The following ARHGAP35 variants were observed in gnomAD, a reference collection of about 807,000 sequenced individuals.
ARHGAP35 encodes the protein Rho GTPase activating protein 35.
ARHGAP35 carries 15 observed loss-of-function variants against 111.1 expected under a neutral mutation model. The observed-to-expected ratio is 0.13, with a 90% CI of 0.09 to 0.21. The LOEUF is 0.21. ARHGAP35 is among the 10% of genes least tolerant of loss of function. The pLI is 1.00. For missense variants in ARHGAP35, 1,262 were observed against 1,873.0 expected (o/e 0.67, Z 6.02); for synonymous variants, 643 against 710.3 (o/e 0.91, Z 1.51).
chr19:46,918,930 T>C lies in ARHGAP35; in HGVS notation c.255T>C (p.Asp85=), dbSNP rs1251713306. The part of the protein sequence containing the change: ...YWGEVSRSLE[D]CVECKMHIVE... ...GAGAAGTTAGCCGCTCCCTGGAGGA[T>C]TGTGTGGAATGTAAGATGCACATTG... Residue 85 remains aspartate, a synonymous_variant, in exon 2 of 7, where the codon GAT becomes GAC. Transcript: ENST00000672722. The surrounding 1 kb of genome is among the most constrained non-coding windows in gnomAD (Gnocchi z 5.4). 6.2e-7 allele frequency: 1 copy of C among 1,613,900 alleles called. No homozygotes were observed. The highest frequency in any genetic ancestry group is 8.5e-7 in the Non-Finnish European group (1 of 1,179,872).
At chr19:46,873,792 A>G (rs1013562544) in intron 1 of ARHGAP35, among the ~76,000 whole-genome samples, 3 of 150,818 alleles carry the variant, frequency 2.0e-5, no homozygotes, top group Middle Eastern at 3.2e-3. Context: ...CTTGTTGCCC[A>G]GGCTGGCGTG....
At chr19:46,929,241 C>T (rs889424109) in intron 2 of ARHGAP35, among the ~76,000 whole-genome samples, 2 of 152,058 alleles carry the variant, frequency 1.3e-5, no homozygotes, top group Non-Finnish European at 2.9e-5. Flanking sequence ...GGGGGAGCAC[C>T]GGTTAACCAA....
At chr19:46,883,846 G>A (rs2055978712) in intron 1 of ARHGAP35, among the ~76,000 whole-genome samples, 1 of 152,130 alleles carries the variant, frequency 6.6e-6, no homozygotes, top group African/African-American at 2.4e-5. Flanking sequence ...CCTGAGCTCA[G>A]GAGTTTGAGA....
At chr19:46,895,795 G>A (rs2056051874) in intron 1 of ARHGAP35, among the ~76,000 whole-genome samples, 1 of 152,048 alleles carries the variant, frequency 6.6e-6, no homozygotes. Context: ...TACCCTTCCC[G>A]GGTGGATTTA....
chr19:46,922,360 A>G lies in ARHGAP35; in HGVS notation c.3681+4A>G. On this transcript the variant is annotated splice_donor_region_variant and intron_variant, in intron 2 of 6. Coordinates refer to ENST00000672722, the MANE Select transcript of ARHGAP35 (RefSeq NM_004491.5). This position sits in a 1 kb window ranked among gnomAD's most constrained non-coding sequence, Gnocchi z 4.0. ...CAGCCTAAGGAGGAACACTAAGGTA[A>G]GACACCAGTCTAGGATTAGTCATAG... 1 of 1,582,922 alleles carries G rather than the reference A, an allele frequency of 6.3e-7. No individual in the cohort carries two copies. Among genetic ancestry groups the G allele is most frequent in the Non-Finnish European group, 8.6e-7 (1 of 1,164,952 alleles).
intron 3 of ARHGAP35, among the ~76,000 whole-genome samples, chr19:46,949,635 T>G (rs180741015): frequency 6.6e-6 from 1 of 152,276 alleles, no homozygotes; most frequent in East Asian, 1.9e-4. Flanking sequence ...AAACTTGGAG[T>G]CACAGCTGAC....
At chr19:46,952,029 A>G (rs939753863) in intron 3 of ARHGAP35, among the ~76,000 whole-genome samples, 8 of 152,228 alleles carry the variant, frequency 5.3e-5, no homozygotes, top group Admixed American at 6.5e-5. Flanking sequence ...GACTATAGTT[A>G]ACAGTAATTT....
intron 3 of ARHGAP35, among the ~76,000 whole-genome samples, chr19:46,979,107 GGTGT>G (rs996779008): frequency 6.6e-6 from 1 of 151,174 alleles, no homozygotes; most frequent in Non-Finnish European, 1.5e-5. Flanking sequence ...TTTGTAGGGG[GGTGT>G]GTATGTGGTG....
intron 3 of ARHGAP35, among the ~76,000 whole-genome samples, chr19:46,962,103 G>T (rs2056486763): frequency 6.6e-6 from 1 of 152,134 alleles, no homozygotes. Flanking sequence ...CTTGATCTGT[G>T]GGTGCTGTTT....
intron 1 of ARHGAP35, among the ~76,000 whole-genome samples, chr19:46,898,754 A>G (rs1346091874): frequency 1.3e-5 from 2 of 152,136 alleles, no homozygotes; most frequent in Non-Finnish European, 2.9e-5. Context: ...GCTAGAACCC[A>G]GGAGCCTCCA....
At position 46,920,976 on chromosome 19, in the gene ARHGAP35, G is replaced by C. The variant is rs758036557; in HGVS notation, c.2301G>C (p.Leu767=). ...TGGACTCTAAGCGTAACTTAAACCT[G>C]GTCAGTTCTACTGCTAGCATCAAAG... ...GLLDSKRNLN[L]VSSTASIKDL... is the part of the protein sequence containing the mutation. The change falls in exon 2 of 7, where the codon CTG becomes CTC. Residue 767 remains leucine (L), a synonymous_variant. Transcript: ENST00000672722. This position sits in a 1 kb window ranked among gnomAD's most constrained non-coding sequence, Gnocchi z 7.0. The C allele has an allele frequency of 1.9e-6, 3 of 1,613,822 alleles. No homozygotes were observed. The highest frequency in any genetic ancestry group is 2.7e-5 in the African/African-American group (2 of 74,888).
At chr19:46,973,418 A>C (rs545513153) in intron 3 of ARHGAP35, among the ~76,000 whole-genome samples, 1 of 152,102 alleles carries the variant, frequency 6.6e-6, no homozygotes, top group Admixed American at 6.5e-5. Context: ...GCAGTGGCTC[A>C]CGCCTGTAAT....
chr19:46,936,908 C>T (rs908016911), intron 2 of ARHGAP35, among the ~76,000 whole-genome samples: 6 of 145,780 alleles, frequency 4.1e-5, no homozygotes, highest in Non-Finnish European at 7.5e-5. Flanking sequence ...GGCGCAATCT[C>T]GGCTCACCTC....
At position 46,921,458 on chromosome 19, in the gene ARHGAP35, A is replaced by T. The variant is rs1039328604; in HGVS notation, c.2783A>T (p.Gln928Leu). 1 of 1,613,964 alleles carries T rather than the reference A, an allele frequency of 6.2e-7. No individual in the cohort carries two copies. Among genetic ancestry groups the T allele is most frequent in the Non-Finnish European group, 8.5e-7 (1 of 1,179,864 alleles). Residue 928 changes from glutamine (Q) to leucine (L), a missense_variant, in exon 2 of 7, where the codon CAG (glutamine) becomes CTG (leucine). Around this residue, in one of 8 missense-constraint regions of ARHGAP35, gnomAD observed 579 missense variants for 716.9 expected, o/e 0.81. Transcript: ENST00000672722. The surrounding 1 kb of genome is among the most constrained non-coding windows in gnomAD (Gnocchi z 4.3). ...RFTSIPCSQP[Q>L]HKLEIFHPFF... ...ACAAGCATCCCCTGTAGCCAACCCC[A>T]GCATAAACTTGAGATCTTTCACCCA...
rs762697644 is a variant in ARHGAP35 at position 46,920,401 on chromosome 19, T to C, written c.1726T>C (p.Ser576Pro). The C allele has an allele frequency of 6.2e-7, 1 of 1,613,942 alleles. No individual in the cohort carries two copies. The highest frequency in any genetic ancestry group is 1.1e-5 in the South Asian group (1 of 91,060). ...CGCTAAGATTGAGCACTTGATTAGT[T>C]CTCGGTTTATCCGGCCGTCTGACCG... ...VDAKIEHLIS[S>P]RFIRPSDRNQ... is the part of the protein sequence containing the mutation. The change falls in exon 2 of 7, where the codon TCT becomes CCT. Residue 576 changes from serine (S) to proline (P), a missense_variant. By Grantham distance (74) the Ser-to-Pro change is moderately conservative. Coordinates refer to ENST00000672722, the MANE Select transcript of ARHGAP35 (RefSeq NM_004491.5). This position sits in a 1 kb window ranked among gnomAD's most constrained non-coding sequence, Gnocchi z 7.0.
chr19:46,943,538 ATC>A (rs915548258), intron 3 of ARHGAP35, among the ~76,000 whole-genome samples: 2 of 151,984 alleles, frequency 1.3e-5, no homozygotes, highest in South Asian at 2.1e-4. Flanking sequence ...CTCTCACCCC[ATC>A]TCTCTCTCTT....
At chr19:46,890,926 A>G (rs2056020616) in intron 1 of ARHGAP35, among the ~76,000 whole-genome samples, 1 of 152,218 alleles carries the variant, frequency 6.6e-6, no homozygotes, top group African/African-American at 2.4e-5. Context: ...TGGACTGTTT[A>G]CTTACTAGAA....
In ARHGAP35 at chr19:46,921,556, T is replaced by G. The variant is rs1462440119; in HGVS notation, c.2881T>G (p.Cys961Gly). 2 of 1,613,862 alleles carry G rather than the reference T, an allele frequency of 1.2e-6. No homozygotes were observed. The highest frequency in any genetic ancestry group is 3.3e-5 in the Admixed American group (2 of 60,010). Residue 961 changes from cysteine (C) to glycine (G), a missense_variant, in exon 2 of 7, where the codon TGT becomes GGT. Physicochemically the swap from Cys to Gly is radical, Grantham distance 159. Around this residue, in one of 8 missense-constraint regions of ARHGAP35, gnomAD observed 579 missense variants for 716.9 expected, o/e 0.81. Coordinates refer to ENST00000672722, the MANE Select transcript of ARHGAP35 (RefSeq NM_004491.5). The surrounding 1 kb of genome is among the most constrained non-coding windows in gnomAD (Gnocchi z 4.3). ...TATGTACGATAATGCTGCCGAGGCC[T>G]GTAGCACCACCGAAGAGGTGTTTAA... is the stretch of plus-strand genomic sequence containing the variant. ...THMYDNAAEA[C>G]STTEEVFNSP...
intron 1 of ARHGAP35, among the ~76,000 whole-genome samples, chr19:46,916,244 A>G (rs1009611705): frequency 1.3e-5 from 2 of 151,942 alleles, no homozygotes; most frequent in South Asian, 4.2e-4. Context: ...AAGGAATCCA[A>G]ACTCTTAAAG....
Sources: allele counts gnomAD v4.1 joint callset (sites outside exome capture counted in the v4.1 genomes callset), GRCh38; gene constraint gnomAD v4.1.1; regional missense constraint gnomAD v4.1.1; non-coding constraint Gnocchi (gnomAD v3.1); transcripts MANE v1.5; gene names NCBI Gene and HGNC (gene_info 2026-07-23, HGNC 2026-07-21).